The following KCNQ5 variants were observed in gnomAD, a reference collection of about 807,000 sequenced individuals.
The protein encoded by KCNQ5 is potassium voltage-gated channel subfamily KQT member 5.
In KCNQ5, 30 loss-of-function variants were observed where a neutral mutation model predicts 98.2. The ratio of observed to expected loss-of-function variants is 0.31; its 90% CI spans 0.23 to 0.41. KCNQ5 has a LOEUF of 0.41. KCNQ5 is among the 10% of genes least tolerant of loss of function. KCNQ5 has a pLI of 1.00. For synonymous variants in KCNQ5, 458 were observed against 449.4 expected (o/e 1.02, Z -0.24); for missense variants, 835 against 1,182.5 (o/e 0.71, Z 4.31).
At chr6:73,079,740 A>C (rs1172367492) in intron 5 of KCNQ5, among the ~76,000 whole-genome samples, 1 of 152,216 alleles carries the variant, frequency 6.6e-6, no homozygotes, top group Admixed American at 6.5e-5. Flanking sequence ...AAAGAGTGGA[A>C]GCTTGAAAGA....
chr6:72,760,130 G>C (rs1471028074), intron 1 of KCNQ5, among the ~76,000 whole-genome samples: 1 of 152,078 alleles, frequency 6.6e-6, no homozygotes, highest in Non-Finnish European at 1.5e-5. Flanking sequence ...CCAGATGACA[G>C]GCTTTGTCTT....
chr6:72,760,264 A>G (rs926073246), intron 1 of KCNQ5, among the ~76,000 whole-genome samples: 1 of 152,172 alleles, frequency 6.6e-6, no homozygotes, highest in African/African-American at 2.4e-5. Context: ...TTAGCATTTT[A>G]GATTTTGGTC....
At chr6:73,107,659 A>G (rs1310998476) in intron 6 of KCNQ5, among the ~76,000 whole-genome samples, 3 of 152,234 alleles carry the variant, frequency 2.0e-5, no homozygotes, top group Non-Finnish European at 2.9e-5. Flanking sequence ...GGGAGGTTAA[A>G]TATGTCACTA....
intron 10 of KCNQ5, among the ~76,000 whole-genome samples, chr6:73,160,767 T>C (rs1457622832): frequency 6.6e-6 from 1 of 152,190 alleles, no homozygotes; most frequent in Non-Finnish European, 1.5e-5. Flanking sequence ...CCAGTGGTCT[T>C]TGCCCTTGGC....
intron 2 of KCNQ5, among the ~76,000 whole-genome samples, chr6:73,031,105 CACTT>C (rs1771122608): frequency 6.6e-6 from 1 of 152,228 alleles, no homozygotes; most frequent in South Asian, 2.1e-4. Flanking sequence ...AACTGTCTCT[CACTT>C]TCTTTCCCCC....
rs543803386 is a variant in KCNQ5 at position 73,176,276 on chromosome 6, T to G, written c.1577+6422T>G. 5.5e-4 allele frequency among the ~76,000 whole-genome samples: 84 copies of G among 152,242 alleles called. 2 individuals carry two copies. Among genetic ancestry groups the G allele is most frequent in the Middle Eastern group, 3.4e-3 (1 of 294 alleles). On this transcript the variant is annotated intron_variant, in intron 11 of 13. Coordinates refer to ENST00000370398, the MANE Select transcript of KCNQ5 (RefSeq NM_019842.4). ...GCTGTTCTCATAATAGCAAGTGAGT[T>G]CTCATGAGATTGGTGGTTTAAAAGT... is the stretch of plus-strand genomic sequence containing the variant.
intron 2 of KCNQ5, among the ~76,000 whole-genome samples, chr6:73,030,251 G>A (rs1330276516): frequency 6.6e-6 from 1 of 152,118 alleles, no homozygotes; most frequent in Admixed American, 6.6e-5. Flanking sequence ...ATTAGAAATT[G>A]CACTGAGAGC....
At chr6:72,754,594 T>C (rs1248590064) in intron 1 of KCNQ5, among the ~76,000 whole-genome samples, 1 of 152,024 alleles carries the variant, frequency 6.6e-6, no homozygotes, top group East Asian at 1.9e-4. Flanking sequence ...CTAAATTGCA[T>C]AGGAAAGCAC....
chr6:72,812,528 T>C (rs1488901685), intron 1 of KCNQ5, among the ~76,000 whole-genome samples: 25 of 152,208 alleles, frequency 1.6e-4, no homozygotes, highest in Non-Finnish European at 3.5e-4. Context: ...TGTACTGACA[T>C]GGGACTTACT....
chr6:72,768,279 G>A (rs1638601314), intron 1 of KCNQ5, among the ~76,000 whole-genome samples: 1 of 151,826 alleles, frequency 6.6e-6, no homozygotes. Flanking sequence ...ATTGAGTTTG[G>A]TGGCCTGGAA....
intron 1 of KCNQ5, among the ~76,000 whole-genome samples, chr6:72,682,184 G>A (rs1294515549): frequency 1.3e-5 from 2 of 151,910 alleles, no homozygotes; most frequent in African/African-American, 4.8e-5. Flanking sequence ...ATGTTCTTTG[G>A]CCAGCACAGT....
rs183185835 is a variant in KCNQ5 at position 72,622,795 on chromosome 6, C to T, written c.398+208C>T. On this transcript the variant is annotated intron_variant, in intron 1 of 13. Transcript: ENST00000370398. The surrounding 1 kb of genome is among the most constrained non-coding windows in gnomAD (Gnocchi z 6.0). Reference sequence around the variant, plus strand: ...TCATCTCTACAGCTTGAACCTTTTCCCCGAGGACACCCAATGAACTGCCCG... The same window carrying T: ...TCATCTCTACAGCTTGAACCTTTTCTCCGAGGACACCCAATGAACTGCCCG... Among the ~76,000 whole-genome samples, 12 of 152,288 alleles carry T rather than the reference C, an allele frequency of 7.9e-5. No individual in the cohort carries two copies. The East Asian group carries it at 2.3e-3, about 30-fold the overall frequency.
intron 1 of KCNQ5, among the ~76,000 whole-genome samples, chr6:72,769,366 G>C (rs1419484463): frequency 6.6e-6 from 1 of 152,044 alleles, no homozygotes; most frequent in South Asian, 2.1e-4. Flanking sequence ...ATAAATCTAA[G>C]CATGATCAAA....
Position 73,194,532 on chromosome 6 carries a change from C to A in KCNQ5, c.1917C>A (p.Leu639=). The A allele has an allele frequency of 6.2e-7, 1 of 1,614,218 alleles. No individual in the cohort carries two copies. The highest frequency in any genetic ancestry group is 1.1e-5 in the South Asian group (1 of 91,086). The change falls in exon 14 of 14, where the codon CTC becomes CTA. Residue 639 remains leucine, a synonymous_variant. Coordinates refer to ENST00000370398, the MANE Select transcript of KCNQ5 (RefSeq NM_019842.4). The stretch of plus-strand genomic sequence containing the variant: ...TTCGGAAAGGCTCTGCCTCAGCCCT[C>A]GCTTTGGCTTCATTCCAGATCCCAC... ...QVLRKGSASA[L]ALASFQIPPF...
intron 1 of KCNQ5, among the ~76,000 whole-genome samples, chr6:72,879,849 T>G (rs545476307): frequency 4.6e-5 from 7 of 152,288 alleles, no homozygotes; most frequent in African/African-American, 1.7e-4. Flanking sequence ...TCCTATTTTC[T>G]TTGCTGGTTT....
chr6:72,900,180 C>G (rs1779430402), intron 1 of KCNQ5, among the ~76,000 whole-genome samples: 1 of 151,968 alleles, frequency 6.6e-6, no homozygotes, highest in Non-Finnish European at 1.5e-5. Context: ...GCTTTGCTCC[C>G]ACATATCAGT....
chr6:72,683,402 C>G lies in KCNQ5; in HGVS notation c.398+60815C>G, dbSNP rs569815550. ...TTTTTTTTTGAGACAGAGTCTCGCT[C>G]TGTCGCCCAGGCTGGAGTGCAGTGG... On this transcript the variant is annotated intron_variant, in intron 1 of 13. Transcript: ENST00000370398. 1.3e-3 allele frequency among the ~76,000 whole-genome samples: 184 copies of G among 141,646 alleles called. 1 individual carries two copies. Among genetic ancestry groups the G allele is most frequent in the African/African-American group, 4.7e-3 (174 of 37,074 alleles). The allele number at this position is 141,646 out of a possible 152,430, so 92.9% of individuals were successfully genotyped here. A position where few individuals can be genotyped will look rare whatever the true frequency, so the allele number is the denominator to read the frequency against.
intron 1 of KCNQ5, among the ~76,000 whole-genome samples, chr6:72,674,663 G>A (rs187538764): frequency 5.3e-5 from 8 of 152,166 alleles, no homozygotes; most frequent in South Asian, 2.1e-4. Context: ...CCAGCCACTC[G>A]GGAGGCTGAG....
chr6:72,988,647 TTC>T (rs1209945318), intron 1 of KCNQ5, among the ~76,000 whole-genome samples: 1 of 68,002 alleles, frequency 1.5e-5, no homozygotes, highest in Non-Finnish European at 3.2e-5. Flanking sequence ...AAGCATGATT[TTC>T]TTTTTTTTTT....
Sources: allele counts gnomAD v4.1 joint callset (sites outside exome capture counted in the v4.1 genomes callset), GRCh38; gene constraint gnomAD v4.1.1; non-coding constraint Gnocchi (gnomAD v3.1); transcripts MANE v1.5; gene names NCBI Gene and HGNC (gene_info 2026-07-23, HGNC 2026-07-21).